The following SMYD3 variants were observed in gnomAD, a reference collection of about 807,000 sequenced individuals.
The protein encoded by SMYD3 is histone-lysine N-methyltransferase SMYD3.
In SMYD3, 36 loss-of-function variants were observed where a neutral mutation model predicts 57.7. That is an observed-to-expected ratio of 0.62 (90% CI 0.48 to 0.82). SMYD3 has a LOEUF of 0.82. Ranked by LOEUF, SMYD3 falls within the 40% of genes least tolerant of loss-of-function variation. SMYD3 has a pLI of 0.00. For missense variants in SMYD3, 515 were observed against 538.8 expected (o/e 0.96, Z 0.44); for synonymous variants, 211 against 195.0 (o/e 1.08, Z -0.68).
intron 5 of SMYD3, among the ~76,000 whole-genome samples, chr1:246,004,987 A>G (rs1572878238): frequency 6.6e-6 from 1 of 152,124 alleles, no homozygotes; most frequent in East Asian, 1.9e-4. Flanking sequence ...CTGGGACTAC[A>G]GGCGTGCACC....
chr1:246,469,869 C>T (rs1184882151), intron 1 of SMYD3, among the ~76,000 whole-genome samples: 11 of 152,216 alleles, frequency 7.2e-5, no homozygotes, highest in South Asian at 2.1e-4. Flanking sequence ...ACAGTAACTA[C>T]TCACCCAAGG....
intron 5 of SMYD3, among the ~76,000 whole-genome samples, chr1:246,324,207 G>A (rs1455056645): frequency 6.6e-6 from 1 of 152,106 alleles, no homozygotes; most frequent in Admixed American, 6.5e-5. Flanking sequence ...CCGAGGTCAG[G>A]AGATTGAGAC....
intron 5 of SMYD3, among the ~76,000 whole-genome samples, chr1:246,118,745 G>A (rs537663600): frequency 1.4e-5 from 2 of 146,646 alleles, no homozygotes; most frequent in African/African-American, 5.2e-5. Flanking sequence ...TTTTTAAAAT[G>A]TGTGCTAAAG....
chr1:246,323,326 G>A (rs1399348440), intron 5 of SMYD3, among the ~76,000 whole-genome samples: 1 of 152,154 alleles, frequency 6.6e-6, no homozygotes, highest in Non-Finnish European at 1.5e-5. Context: ...GAAGTGGGGT[G>A]AAAAGGAGGA....
chr1:246,176,358 T>C (rs1325529201), intron 5 of SMYD3, among the ~76,000 whole-genome samples: 1 of 152,158 alleles, frequency 6.6e-6, no homozygotes, highest in Admixed American at 6.5e-5. Context: ...TTCAGAGCCC[T>C]TGGCAGAAAG....
intron 8 of SMYD3, among the ~76,000 whole-genome samples, chr1:245,905,522 A>G (rs1194578618): frequency 6.6e-6 from 1 of 152,230 alleles, no homozygotes; most frequent in Non-Finnish European, 1.5e-5. Context: ...AGACTGAGAA[A>G]GATTGAGTCT....
chr1:245,966,889 C>T (rs959754474), intron 5 of SMYD3, among the ~76,000 whole-genome samples: 1 of 152,148 alleles, frequency 6.6e-6, no homozygotes, highest in Non-Finnish European at 1.5e-5. Context: ...TATCCCCCCT[C>T]AGGACCTCAC....
intron 5 of SMYD3, among the ~76,000 whole-genome samples, chr1:246,249,622 C>T (rs1316818676): frequency 6.6e-6 from 1 of 151,236 alleles, no homozygotes; most frequent in African/African-American, 2.4e-5. Context: ...TATATTTGAT[C>T]ATCATAGTAG....
intron 5 of SMYD3, among the ~76,000 whole-genome samples, chr1:246,107,801 G>A (rs1198212002): frequency 6.6e-6 from 1 of 152,116 alleles, no homozygotes; most frequent in East Asian, 1.9e-4. Context: ...TTTAACTCAA[G>A]ACCAGAAACA....
At position 246,495,348 on chromosome 1, in the gene SMYD3, CAAAAAAAAAAAAA is replaced by C. The variant is rs11329443; in HGVS notation, c.164+11693_164+11705del. On this transcript the variant is annotated intron_variant, in intron 1 of 11. Transcript: ENST00000490107. ...TGGGTGACAGAGCAAGACTCCGTCT[CAAAAAAAAAAAAA>C]AAAAAAAAAAAGGTCTATGCTCCAG... Among the ~76,000 whole-genome samples the C allele has an allele frequency of 1.9e-4, 11 of 57,890 alleles. No homozygotes were observed. In the South Asian group the frequency reaches 8.9e-3, roughly 47 times the overall value. 38.0% of individuals were successfully genotyped at this position (57,890 alleles called of 152,430 possible).
At chr1:245,888,597 G>A (rs2053211168) in intron 8 of SMYD3, among the ~76,000 whole-genome samples, 1 of 152,156 alleles carries the variant, frequency 6.6e-6, no homozygotes, top group Non-Finnish European at 1.5e-5. Flanking sequence ...TCTGCAAAAT[G>A]CTGATATTGA....
chr1:245,873,983 C>T (rs998520786), intron 8 of SMYD3, among the ~76,000 whole-genome samples: 4 of 152,214 alleles, frequency 2.6e-5, no homozygotes, highest in African/African-American at 9.7e-5. Context: ...TCCTTCCACT[C>T]CATTAGTCGC....
intron 5 of SMYD3, among the ~76,000 whole-genome samples, chr1:246,027,420 AC>A (rs2059594930): frequency 6.6e-6 from 1 of 151,992 alleles, no homozygotes; most frequent in African/African-American, 2.4e-5. Flanking sequence ...AGACAGAATG[AC>A]TCTCTTGTTA....
intron 5 of SMYD3, among the ~76,000 whole-genome samples, chr1:246,283,959 T>G (rs1173555882): frequency 6.6e-6 from 1 of 152,218 alleles, no homozygotes. Flanking sequence ...ACATTAATAT[T>G]TGACTAAAAT....
chr1:246,119,400 CTT>C (rs1355749386), intron 5 of SMYD3, among the ~76,000 whole-genome samples: 2 of 146,648 alleles, frequency 1.4e-5, no homozygotes, highest in Non-Finnish European at 3.0e-5. Flanking sequence ...AACACTCACT[CTT>C]TTTGTTCTTT....
intron 1 of SMYD3, among the ~76,000 whole-genome samples, chr1:246,485,609 C>CG (rs1222879089): frequency 6.6e-6 from 1 of 151,406 alleles, no homozygotes; most frequent in African/African-American, 2.4e-5. Flanking sequence ...CAGTGAGACC[C>CG]CCCCCCACAT....
At chr1:246,436,811 G>A (rs2067382257) in intron 1 of SMYD3, among the ~76,000 whole-genome samples, 1 of 151,862 alleles carries the variant, frequency 6.6e-6, no homozygotes, top group Admixed American at 6.6e-5. Context: ...AGCCCCAAAG[G>A]TAATGGTCAT....
intron 1 of SMYD3, among the ~76,000 whole-genome samples, chr1:246,441,188 A>G (rs929872226): frequency 3.9e-5 from 6 of 152,200 alleles, no homozygotes; most frequent in South Asian, 4.1e-4. Flanking sequence ...AAGATCTCTA[A>G]TGAGTAATAG....
Position 246,200,011 on chromosome 1 carries a change from A to G in SMYD3, c.531+127190T>C, listed in dbSNP as rs551039785. ...TACACAGACGCCCACTGTAATAGAG[A>G]AGATAGAAGAGAACAGTGTAGACTC... On this transcript the variant is annotated intron_variant, in intron 5 of 11. Transcript: ENST00000490107. Among the ~76,000 whole-genome samples the G allele has an allele frequency of 1.4e-4, 21 of 152,100 alleles. No individual in the cohort carries two copies. The South Asian group carries it at 4.0e-3, about 29-fold the overall frequency.
Sources: gnomAD v4.1 joint callset for allele counts (sites outside exome capture counted in the v4.1 genomes callset) on GRCh38, gnomAD v4.1.1 for gene constraint, MANE v1.5 for transcripts, NCBI Gene and HGNC (gene_info 2026-07-23, HGNC 2026-07-21) for gene names.